NAALADL2: variants seen among roughly 807,000 people sequenced by gnomAD.
The protein encoded by NAALADL2 is N-acetylated alpha-linked acidic dipeptidase like 2.
In NAALADL2, 76 loss-of-function variants were observed where a neutral mutation model predicts 87.2. The ratio of observed to expected loss-of-function variants is 0.87; its 90% CI spans 0.72 to 1.05. The LOEUF is 1.05. Ranked by LOEUF, NAALADL2 falls within the 50% of genes least tolerant of loss-of-function variation. NAALADL2 has a pLI of 0.00. For missense variants in NAALADL2, 1,089 were observed against 945.8 expected, an observed-to-expected ratio of 1.15 and a Z score of -1.99; for synonymous variants, 354 against 331.0, an observed-to-expected ratio of 1.07 and a Z score of -0.75.
chr3:175,185,890 A>G (rs552850597), intron 2 of NAALADL2, among the ~76,000 whole-genome samples: 4 of 151,864 alleles, frequency 2.6e-5, no homozygotes, highest in African/African-American at 4.8e-5. Flanking sequence ...TTTTACTTTC[A>G]TCATTCTTTT....
intron 3 of NAALADL2, among the ~76,000 whole-genome samples, chr3:175,249,619 T>C (rs554774791): frequency 5.1e-4 from 78 of 152,274 alleles, no homozygotes; most frequent in African/African-American, 1.9e-3. Context: ...AATTATTGTG[T>C]TGGAAGTTAT....
chr3:174,921,177 G>A (rs575591595), intron 1 of NAALADL2, among the ~76,000 whole-genome samples: 3 of 152,270 alleles, frequency 2.0e-5, no homozygotes, highest in South Asian at 4.1e-4. Flanking sequence ...TGCTTGATGC[G>A]AGGTTTCTAC....
At chr3:174,534,778 A>G (rs1721575724) in intron 1 of NAALADL2, among the ~76,000 whole-genome samples, 1 of 152,188 alleles carries the variant, frequency 6.6e-6, no homozygotes, top group Non-Finnish European at 1.5e-5. Context: ...AGTTGCTTGG[A>G]AAGAAAAAAG....
chr3:174,994,652 A>G (rs191751930), intron 1 of NAALADL2, among the ~76,000 whole-genome samples: 52 of 151,788 alleles, frequency 3.4e-4, no homozygotes, highest in Non-Finnish European at 6.8e-4. Flanking sequence ...CCACAGAGCA[A>G]TATGTAAGAG....
At chr3:174,877,376 A>G (rs1435172486) in intron 1 of NAALADL2, among the ~76,000 whole-genome samples, 1 of 152,098 alleles carries the variant, frequency 6.6e-6, no homozygotes, top group Non-Finnish European at 1.5e-5. Flanking sequence ...GTTATCTTTA[A>G]TTGAGGCCTT....
At chr3:175,013,101 TACATATTTATATATAA>T (rs1252819167) in intron 1 of NAALADL2, among the ~76,000 whole-genome samples, 1 of 58,594 alleles carries the variant, frequency 1.7e-5, no homozygotes, top group African/African-American at 1.8e-4. Context: ...TATATAAATA[TACATATTTATATATAA>T]ATATACATAT....
At chr3:175,049,930 G>A (rs1560515080) in intron 1 of NAALADL2, among the ~76,000 whole-genome samples, 1 of 152,176 alleles carries the variant, frequency 6.6e-6, no homozygotes, top group Non-Finnish European at 1.5e-5. Context: ...ATGTTGTTGT[G>A]AAAAAAATAA....
intron 2 of NAALADL2, among the ~76,000 whole-genome samples, chr3:174,697,583 A>G (rs1448839640): frequency 3.3e-5 from 5 of 152,196 alleles, no homozygotes; most frequent in African/African-American, 1.2e-4. Flanking sequence ...TGATTGATAT[A>G]GAAGGGAAAT....
intron 1 of NAALADL2, among the ~76,000 whole-genome samples, chr3:174,524,555 GT>G (rs1020526786): frequency 1.3e-5 from 2 of 151,904 alleles, no homozygotes; most frequent in East Asian, 1.9e-4. Flanking sequence ...AAAATATATT[GT>G]TTTTTTGTGA....
At chr3:174,864,185 CAA>C in intron 1 of NAALADL2, 1 of 369,152 alleles carries the variant, frequency 2.7e-6, no homozygotes. Flanking sequence ...TTGCAGCAGG[CAA>C]AAGAGATTAG....
chr3:174,486,992 G>C (rs1256800672), intron 1 of NAALADL2, among the ~76,000 whole-genome samples: 1 of 151,946 alleles, frequency 6.6e-6, no homozygotes, highest in African/African-American at 2.4e-5. Flanking sequence ...GTGTCTATCA[G>C]AGGCCTTTTT....
intron 10 of NAALADL2, among the ~76,000 whole-genome samples, chr3:175,609,991 A>G (rs1420476664): frequency 6.6e-6 from 1 of 152,164 alleles, no homozygotes; most frequent in African/African-American, 2.4e-5. Flanking sequence ...TTCAATGTAA[A>G]AAAAAAGGAA....
At chr3:175,450,256 G>A (rs1025864490) in intron 6 of NAALADL2, among the ~76,000 whole-genome samples, 1 of 152,026 alleles carries the variant, frequency 6.6e-6, no homozygotes, top group Non-Finnish European at 1.5e-5. Context: ...ACATGAAAAG[G>A]ATACTGAATG....
At chr3:174,625,942 T>A (rs1388427853) in intron 2 of NAALADL2, among the ~76,000 whole-genome samples, 1 of 152,120 alleles carries the variant, frequency 6.6e-6, no homozygotes, top group Non-Finnish European at 1.5e-5. Flanking sequence ...ACAGGTTAAG[T>A]CATTTTATCA....
chr3:175,062,670 TA>T (rs1160213062), intron 1 of NAALADL2, among the ~76,000 whole-genome samples: 1 of 152,210 alleles, frequency 6.6e-6, no homozygotes, highest in Non-Finnish European at 1.5e-5. Context: ...ATAACGGGGC[TA>T]ATTTTTTCAT....
chr3:175,312,271 A>G (rs1313308761), intron 4 of NAALADL2, among the ~76,000 whole-genome samples: 2 of 152,194 alleles, frequency 1.3e-5, no homozygotes, highest in Non-Finnish European at 2.9e-5. Flanking sequence ...TTTTTCACAT[A>G]TGCTAGACCT....
chr3:174,905,998 T>C (rs2108277710), intron 1 of NAALADL2, among the ~76,000 whole-genome samples: 1 of 152,222 alleles, frequency 6.6e-6, no homozygotes, highest in South Asian at 2.1e-4. Flanking sequence ...TCTTCATTTT[T>C]TTCTCGATTC....
chr3:175,113,423 TTAAAAC>T (rs904171287), intron 2 of NAALADL2, among the ~76,000 whole-genome samples: 2 of 151,616 alleles, frequency 1.3e-5, no homozygotes, highest in African/African-American at 4.8e-5. Context: ...CCAATTTTGA[TTAAAAC>T]TAAAATTCTT....
At position 174,821,603 on chromosome 3, in the gene NAALADL2, A is replaced by G. The variant is rs1312056388; in HGVS notation, c.-9+83857A>G. Among the ~76,000 whole-genome samples the G allele has an allele frequency of 2.0e-5, 3 of 152,166 alleles. No individual in the cohort carries two copies. In the East Asian group the frequency reaches 5.8e-4, roughly 29 times the overall value. On this transcript the variant is annotated intron_variant, in intron 3 of 3. Coordinates refer to the NAALADL2 transcript ENST00000434257. ...CTAGTCACTGAAGTCAAGTCTAGCT[A>G]GGCCTGGAGGAGATTTGGGCAATTA...
Sources: allele counts gnomAD v4.1 joint callset (sites outside exome capture counted in the v4.1 genomes callset), GRCh38; gene constraint gnomAD v4.1.1; transcripts MANE v1.5; gene names NCBI Gene and HGNC (gene_info 2026-07-23, HGNC 2026-07-21).